The following LY6D variants were observed in gnomAD, a reference collection of about 807,000 sequenced individuals.
The protein encoded by LY6D is lymphocyte antigen 6 family member D.
In LY6D, 7 loss-of-function variants were observed where a neutral mutation model predicts 5.6. The observed-to-expected ratio is 1.24, with a 90% confidence interval of 0.71 to 2.34. The LOEUF is 2.34. Ranked by LOEUF, LY6D falls within the 30% of genes most tolerant of loss-of-function variation. The pLI, the probability that LY6D is intolerant of heterozygous loss-of-function variation, is 0.00. For missense variants in LY6D, 148 were observed against 164.8 expected (o/e 0.90, Z 0.56); for synonymous variants, 81 against 75.0 (o/e 1.08, Z -0.41).
intron 1 of LY6D, 35 bp downstream of exon 1, chr8:142,786,430 G>GGGCC: frequency 7.0e-6 from 10 of 1,434,452 alleles, no homozygotes; most frequent in African/African-American, 2.9e-5. Flanking sequence ...GGCCACAGCC[G>GGGCC]CCCACCCGCC....
chr8:142,786,446 C>G lies in LY6D; in HGVS notation c.52+19G>C. ...GCCACAGCCGCCCACCCGCCCGTCC[C>G]CTTGGCCCAGCCCCTCACCTGGCCC... On this transcript the variant is annotated intron_variant, in intron 1 of 2. Coordinates refer to ENST00000301263, the MANE Select transcript of LY6D (RefSeq NM_003695.3). The G allele has an allele frequency of 6.5e-7, 1 of 1,541,126 alleles. No homozygotes were observed. The highest frequency in any genetic ancestry group is 8.8e-7 in the Non-Finnish European group (1 of 1,142,028).
Position 142,784,886 on chromosome 8 carries a change from T to G in LY6D, c.*335A>C. ...AATAGCACAGCCACAGCCACACTGG[T>G]TTAAATCATTTATCTCCATGTAGAG... On this transcript the variant is annotated 3_prime_UTR_variant, in exon 3 of 3. Transcript: ENST00000301263. 3.3e-6 allele frequency: 1 copy of G among 303,376 alleles called. No homozygotes were observed. 18.8% of individuals were successfully genotyped at this position (303,376 alleles called of 1,614,324 possible). A position where few individuals can be genotyped will look rare whatever the true frequency, so the allele number is the denominator to read the frequency against.
chr8:142,784,907 T>G lies in LY6D; in HGVS notation c.*314A>C. 2.6e-6 allele frequency: 1 copy of G among 383,756 alleles called. No homozygotes were observed. The highest frequency in any genetic ancestry group is 4.7e-5 in the South Asian group (1 of 21,276). 23.8% of individuals were successfully genotyped at this position (383,756 alleles called of 1,614,324 possible). A position where few individuals can be genotyped will look rare whatever the true frequency, so the allele number is the denominator to read the frequency against. ...CTGGTTTAAATCATTTATCTCCATG[T>G]AGAGATTTGAGTACAAAAATAAACG... On this transcript the variant is annotated 3_prime_UTR_variant, in exon 3 of 3. Coordinates refer to ENST00000301263, the MANE Select transcript of LY6D (RefSeq NM_003695.3).
In LY6D at chr8:142,785,120, G is replaced by C. The variant is rs549141398; in HGVS notation, c.*101C>G. ...TCCCAGACTTTCGGGGAAGCCCTCA[G>C]CCTGGGGCTCCTGGCACCCCCGTTG... On this transcript the variant is annotated 3_prime_UTR_variant, in exon 3 of 3. Transcript: ENST00000301263. 6 of 951,750 alleles carry C rather than the reference G, an allele frequency of 6.3e-6. No individual in the cohort carries two copies. The South Asian group carries it at 1.0e-4, about 16-fold the overall frequency. 59.0% of individuals were successfully genotyped at this position (951,750 alleles called of 1,614,324 possible). A position where few individuals can be genotyped will look rare whatever the true frequency, so the allele number is the denominator to read the frequency against.
chr8:142,786,153 G>A, intron 1 of LY6D: 1 of 1,244,246 alleles, frequency 8.0e-7, no homozygotes, highest in Non-Finnish European at 1.0e-6. Context: ...GAGACCTGGG[G>A]ACCGGGAGGG....
At chr8:142,785,507 C>A (rs762442127) in intron 2 of LY6D, 51 bp from the exon 3 acceptor site, 5 of 1,599,388 alleles carry the variant, frequency 3.1e-6, no homozygotes, top group Non-Finnish European at 4.3e-6. Context: ...TGCCCCCCAC[C>A]TCCCCACAAC....
rs1815658211 is a variant in LY6D, at chr8:142,786,477, C to T, written c.40G>A (p.Ala14Thr). Residue 14 changes from alanine (A) to threonine (T), a missense_variant, in exon 1 of 3, where the codon GCT (alanine) becomes ACT (threonine). Ala to Thr is a moderately conservative substitution (Grantham distance 58, BLOSUM62 0). Transcript: ENST00000301263. ...CCCAGCCCCTCACCTGGCCCTGTAG[C>T]CACAGCCAGGGCTGCAAGGAGCAGC... The part of the protein sequence containing the change: ...ALLLLAALAV[A>T]TGPALTLRCH... 6.5e-7 allele frequency: 1 copy of T among 1,547,352 alleles called. No homozygotes were observed. The highest frequency in any genetic ancestry group is 1.4e-5 in the African/African-American group (1 of 72,822).
At chr8:142,786,138 TG>T in intron 1 of LY6D, 1 of 1,236,678 alleles carries the variant, frequency 8.1e-7, no homozygotes, top group East Asian at 3.8e-5. Context: ...TGGGCTGTGC[TG>T]GGGGAGACCT....
Position 142,785,175 on chromosome 8 carries a change from A to G in LY6D, c.*46T>C. 1 of 1,469,810 alleles carries G rather than the reference A, an allele frequency of 6.8e-7. No individual in the cohort carries two copies. Among genetic ancestry groups the G allele is most frequent in the Non-Finnish European group, 9.4e-7 (1 of 1,068,508 alleles). 91.0% of individuals were successfully genotyped at this position (1,469,810 alleles called of 1,614,324 possible). A position where few individuals can be genotyped will look rare whatever the true frequency, so the allele number is the denominator to read the frequency against. ...TGGGGAAGAGAGGTGTGGAATCCCC[A>G]GAGAAAGGGAAGGAAAGGCATGAGG... On this transcript the variant is annotated 3_prime_UTR_variant, in exon 3 of 3. Coordinates refer to ENST00000301263, the MANE Select transcript of LY6D (RefSeq NM_003695.3).
chr8:142,785,776 C>T, intron 1 of LY6D, 89 bp from the exon 2 acceptor site: 1 of 1,547,576 alleles, frequency 6.5e-7, no homozygotes, highest in South Asian at 1.2e-5. Context: ...AGAGACCCCT[C>T]CTGGACAGAG....
At position 142,785,466 on chromosome 8, in the gene LY6D, G is replaced by A; in HGVS notation, c.152-10C>T. The A allele has an allele frequency of 6.2e-7, 1 of 1,606,984 alleles. No individual in the cohort carries two copies. On this transcript the variant is annotated splice_polypyrimidine_tract_variant and intron_variant, in intron 2 of 2. Transcript: ENST00000301263. Reference sequence around the variant, plus strand: ...CCCCTCAGAGGCTCCACTGGGCACAGGTGAGTGTGGTCAGGCCAGGCAGCC... The same window carrying A: ...CCCCTCAGAGGCTCCACTGGGCACAAGTGAGTGTGGTCAGGCCAGGCAGCC...
Position 142,785,132 on chromosome 8 carries a change from T to C in LY6D, c.*89A>G. 9.2e-7 allele frequency: 1 copy of C among 1,081,728 alleles called. No homozygotes were observed. The highest frequency in any genetic ancestry group is 1.3e-6 in the Non-Finnish European group (1 of 760,168). The allele number at this position is 1,081,728 out of a possible 1,614,324, so 67.0% of individuals were successfully genotyped here. On this transcript the variant is annotated 3_prime_UTR_variant, in exon 3 of 3. Coordinates refer to ENST00000301263, the MANE Select transcript of LY6D (RefSeq NM_003695.3). ...GGGGAAGCCCTCAGCCTGGGGCTCC[T>C]GGCACCCCCGTTGCGGCTGGGGAAG...
At position 142,786,455 on chromosome 8, in the gene LY6D, A is replaced by G; in HGVS notation, c.52+10T>C. The stretch of plus-strand genomic sequence containing the variant: ...GCCCACCCGCCCGTCCCCTTGGCCC[A>G]GCCCCTCACCTGGCCCTGTAGCCAC... On this transcript the variant is annotated intron_variant, in intron 1 of 2. Transcript: ENST00000301263. 7.6e-7 allele frequency: 1 copy of G among 1,311,122 alleles called. No individual in the cohort carries two copies. The highest frequency in any genetic ancestry group is 1.3e-5 in the South Asian group (1 of 76,690). 81.2% of individuals were successfully genotyped at this position (1,311,122 alleles called of 1,614,324 possible).
At chr8:142,785,889 G>A (rs1815646696) in intron 1 of LY6D, 23 of 1,419,966 alleles carry the variant, frequency 1.6e-5, no homozygotes, top group South Asian at 7.5e-5. Flanking sequence ...AGCCTGGGCC[G>A]GCTTGGAAGA....
At position 142,786,476 on chromosome 8, in the gene LY6D, G is replaced by A; in HGVS notation, c.41C>T (p.Ala14Val). 2.0e-6 allele frequency: 3 copies of A among 1,523,166 alleles called. No individual in the cohort carries two copies. The East Asian group carries it at 7.9e-5, about 40-fold the overall frequency. 94.4% of individuals were successfully genotyped at this position (1,523,166 alleles called of 1,614,324 possible). A position where few individuals can be genotyped will look rare whatever the true frequency, so the allele number is the denominator to read the frequency against. ...GCCCAGCCCCTCACCTGGCCCTGTA[G>A]CCACAGCCAGGGCTGCAAGGAGCAG... ...ALLLLAALAVATGPALTLRCH... is the reference protein window; with the variant it reads ...ALLLLAALAVVTGPALTLRCH... Residue 14 changes from alanine (A) to valine (V), a missense_variant, in exon 1 of 3, where the codon GCT becomes GTT. By Grantham distance (64) the Ala-to-Val change is moderately conservative. Coordinates refer to ENST00000301263, the MANE Select transcript of LY6D (RefSeq NM_003695.3).
chr8:142,786,427 G>A (rs1429289916), intron 1 of LY6D, 38 bp downstream of exon 1: 6 of 1,515,284 alleles, frequency 4.0e-6, no homozygotes, highest in African/African-American at 1.4e-5. Flanking sequence ...ACAGGCCACA[G>A]CCGCCCACCC....
intron 1 of LY6D, 35 bp downstream of exon 1, chr8:142,786,430 G>GGCCCCCCCCCCCCCCCCCTGGCCCCCCC: frequency 7.0e-7 from 1 of 1,434,870 alleles, no homozygotes; most frequent in Non-Finnish European, 9.4e-7. Flanking sequence ...GGCCACAGCC[G>GGCCCCCCCCCCCCCCCCCTGGCCCCCCC]CCCACCCGCC....
intron 1 of LY6D, chr8:142,786,062 CG>C (rs1409142454): frequency 2.5e-6 from 3 of 1,186,136 alleles, no homozygotes; most frequent in African/African-American, 1.6e-5. Flanking sequence ...GCTAAGGCCC[CG>C]GGGGCAGCCA....
chr8:142,786,162 G>A, intron 1 of LY6D: 1 of 1,255,626 alleles, frequency 8.0e-7, no homozygotes. Context: ...GGACCGGGAG[G>A]GGCTGGTGGC....
Sources: allele counts gnomAD v4.1 joint callset, GRCh38; gene constraint gnomAD v4.1.1; transcripts MANE v1.5; gene names NCBI Gene and HGNC (gene_info 2026-07-23, HGNC 2026-07-21).